The following POTEC variants were observed in gnomAD, a reference collection of about 807,000 sequenced individuals.
The protein encoded by POTEC is ANKRD26-like family B member 2.
Under a neutral mutation model 62.0 loss-of-function variants are expected in POTEC, and 35 were observed. That is an observed-to-expected ratio of 0.56 (90% confidence interval 0.43 to 0.75). The LOEUF (loss-of-function observed/expected upper bound fraction) is 0.75, where lower values mean the gene tolerates loss of function less well. POTEC is among the 30% of genes least tolerant of loss of function. The pLI, the probability that POTEC is intolerant of heterozygous loss-of-function variation, is 0.00. For missense variants in POTEC, 472 were observed against 655.9 expected (o/e 0.72, Z 3.06); for synonymous variants, 156 against 221.5 (o/e 0.70, Z 2.62).
intron 5 of POTEC, among the ~76,000 whole-genome samples, chr18:14,531,442 G>A (rs1034789475): frequency 4.2e-4 from 64 of 152,056 alleles, no homozygotes; most frequent in African/African-American, 1.3e-3. Context: ...ATTTTTTTCC[G>A]TTTTCATGAA....
chr18:14,541,726 A>G (rs1288856804), intron 1 of POTEC, among the ~76,000 whole-genome samples: 1 of 151,830 alleles, frequency 6.6e-6, no homozygotes, highest in African/African-American at 2.4e-5. Context: ...AAAATTTTTA[A>G]TCTATACTCC....
rs1043602699 is a variant in POTEC, at chr18:14,513,792, G to A, written c.1410-7C>T. 6.2e-7 allele frequency: 1 copy of A among 1,606,076 alleles called. No individual in the cohort carries two copies. The highest frequency in any genetic ancestry group is 1.3e-5 in the African/African-American group (1 of 74,254). On this transcript the variant is annotated splice_polypyrimidine_tract_variant and splice_region_variant and intron_variant, in intron 9 of 10. Transcript: ENST00000358970. ...GGTATCATTTTGTTCGTCACTAGAA[G>A]AAATTTTAATTTTCATGAAATACTG... is the stretch of plus-strand genomic sequence containing the variant.
chr18:14,521,037 G>C (rs1209339441), intron 9 of POTEC, among the ~76,000 whole-genome samples: 1 of 152,052 alleles, frequency 6.6e-6, no homozygotes, highest in African/African-American at 2.4e-5. Flanking sequence ...TGCAGAAAAA[G>C]CTGGCCAGCT....
intron 8 of POTEC, 133 bp downstream of exon 8, chr18:14,523,330 A>G: frequency 1.7e-6 from 2 of 1,185,786 alleles, no homozygotes; most frequent in African/African-American, 3.2e-5. Context: ...TTCTGAGTCA[A>G]ATATTAAATT....
Position 14,543,135 on chromosome 18 carries a change from C to A in POTEC, c.12G>T (p.Glu4Asp). Residue 4 changes from glutamate (E) to aspartate (D), a missense_variant, in exon 1 of 11, where the codon GAG becomes GAT. This residue lies in a region of POTEC where 257 missense variants were observed against 250.7 expected (regional missense o/e 1.03). Coordinates refer to ENST00000358970, the MANE Select transcript of POTEC (RefSeq NM_001137671.2). MVT[E>D]VCSMPAASAV... ...CAGAGGCAGCGGGCATTGAACAAAC[C>A]TCAGTCACCATCTGCTTTTAACAGC... The A allele has an allele frequency of 6.2e-7, 1 of 1,613,882 alleles. No homozygotes were observed. The highest frequency in any genetic ancestry group is 1.1e-5 in the South Asian group (1 of 91,068).
intron 6 of POTEC, among the ~76,000 whole-genome samples, chr18:14,529,418 AC>A (rs1196091069): frequency 6.6e-6 from 1 of 152,190 alleles, no homozygotes; most frequent in Non-Finnish European, 1.5e-5. Context: ...TACTATGAGC[AC>A]CTTAAGGATC....
chr18:14,510,096 G>A lies in POTEC; in HGVS notation c.*1802C>T, dbSNP rs1371990860. ...TGTCTCCTGGGGGCTCCACCCCAGA[G>A]AGGTGTAAGTTAGCAGTTACTTAAT... On this transcript the variant is annotated 3_prime_UTR_variant, in exon 11 of 11. Coordinates refer to ENST00000358970, the MANE Select transcript of POTEC (RefSeq NM_001137671.2). The A allele has an allele frequency of 6.6e-6, 1 of 150,618 alleles. No homozygotes were observed. Among genetic ancestry groups the A allele is most frequent in the African/African-American group, 2.5e-5 (1 of 40,690 alleles). 9.3% of individuals were successfully genotyped at this position (150,618 alleles called of 1,614,324 possible). A position where few individuals can be genotyped will look rare whatever the true frequency, so the allele number is the denominator to read the frequency against.
At chr18:14,513,978 T>C (rs1187730536) in intron 9 of POTEC, among the ~76,000 whole-genome samples, 193 bp from the exon 10 acceptor site, 1 of 152,082 alleles carries the variant, frequency 6.6e-6, no homozygotes. Context: ...TTGTGGAAGA[T>C]AATTTTTCCA....
chr18:14,513,621 A>G, intron 10 of POTEC, 41 bp downstream of exon 10: 1 of 1,597,084 alleles, frequency 6.3e-7, no homozygotes, highest in Non-Finnish European at 8.5e-7. Flanking sequence ...TTAAAAATAT[A>G]TACACATATG....
Position 14,509,166 on chromosome 18 carries a change from TG to T in POTEC, c.*2731del, listed in dbSNP as rs1425814654. The stretch of plus-strand genomic sequence containing the variant: ...GCAGATGCAAAAGTCCCTGCCTCCC[TG>T]TGGGCATTCACCCAGTGGTGGAGGC... On this transcript the variant is annotated 3_prime_UTR_variant, in exon 11 of 11. Transcript: ENST00000358970. 1 of 152,316 alleles carries T rather than the reference TG, an allele frequency of 6.6e-6. No homozygotes were observed. The highest frequency in any genetic ancestry group is 6.5e-5 in the Admixed American group (1 of 15,290). 9.4% of individuals were successfully genotyped at this position (152,316 alleles called of 1,614,324 possible).
At chr18:14,517,190 T>G in intron 9 of POTEC, among the ~76,000 whole-genome samples, 1 of 151,942 alleles carries the variant, frequency 6.6e-6, no homozygotes, top group Non-Finnish European at 1.5e-5. Context: ...ATAAAATAGT[T>G]TCATTTTGAA....
At chr18:14,521,105 T>C (rs1845338668) in intron 9 of POTEC, among the ~76,000 whole-genome samples, 1 of 152,192 alleles carries the variant, frequency 6.6e-6, no homozygotes, top group Admixed American at 6.6e-5. Flanking sequence ...TCACCCAATA[T>C]ACTCAAATGT....
intron 3 of POTEC, among the ~76,000 whole-genome samples, chr18:14,535,234 T>A (rs896886153): frequency 6.8e-6 from 1 of 147,450 alleles, no homozygotes; most frequent in Non-Finnish European, 1.5e-5. Context: ...TAACATTTAC[T>A]GTTTCCAAGA....
chr18:14,516,916 G>A (rs1197003445), intron 9 of POTEC, among the ~76,000 whole-genome samples: 1 of 150,934 alleles, frequency 6.6e-6, no homozygotes, highest in Non-Finnish European at 1.5e-5. Context: ...AACAAGAAAA[G>A]GAATTTAAAA....
In POTEC at chr18:14,542,917, G is replaced by A. The variant is rs878887288; in HGVS notation, c.230C>T (p.Thr77Met). The change falls in exon 1 of 11, where the codon ACG becomes ATG. Residue 77 changes from threonine to methionine, a missense_variant. Physicochemically the swap from Thr to Met is moderately conservative, Grantham distance 81. This residue lies in a region of POTEC where 257 missense variants were observed against 250.7 expected (regional missense o/e 1.03). Transcript: ENST00000358970. ...HCFPCCRGSG[T>M]SNVGTSGDHD... is the part of the protein sequence containing the mutation. ...GTCTCCAGAAGTGCCCACGTTGCTC[G>A]TGCCGCTCCCCCTGCAGCAGGGGAA... The A allele has an allele frequency of 1.6e-6, 2 of 1,271,130 alleles. No individual in the cohort carries two copies. The highest frequency in any genetic ancestry group is 2.2e-6 in the Non-Finnish European group (2 of 926,890). 78.7% of individuals were successfully genotyped at this position (1,271,130 alleles called of 1,614,324 possible).
At position 14,534,864 on chromosome 18, in the gene POTEC, T is replaced by A; in HGVS notation, c.917+37A>T. On this transcript the variant is annotated intron_variant, in intron 4 of 10. Coordinates refer to ENST00000358970, the MANE Select transcript of POTEC (RefSeq NM_001137671.2). ...TTATGACTTGAGTGACTGCTATCAA[T>A]CTAGAACAACACACAGATTAAAAGA... is the stretch of plus-strand genomic sequence containing the variant. 2.0e-6 allele frequency: 3 copies of A among 1,522,934 alleles called. No individual in the cohort carries two copies. The South Asian group carries it at 3.9e-5, about 20-fold the overall frequency. 94.3% of individuals were successfully genotyped at this position (1,522,934 alleles called of 1,614,324 possible).
At chr18:14,514,321 T>C (rs1330182472) in intron 9 of POTEC, among the ~76,000 whole-genome samples, 1 of 151,584 alleles carries the variant, frequency 6.6e-6, no homozygotes, top group African/African-American at 2.4e-5. Flanking sequence ...GAAGGTAATG[T>C]GAGTGACAGA....
intron 3 of POTEC, among the ~76,000 whole-genome samples, chr18:14,536,159 A>C (rs980972923): frequency 1.7e-4 from 26 of 151,314 alleles, no homozygotes; most frequent in Admixed American, 3.3e-4. Flanking sequence ...AGGGATGTCA[A>C]GGCTGTGGTG....
chr18:14,537,021 T>C lies in POTEC; in HGVS notation c.810+780A>G, dbSNP rs910761454. On this transcript the variant is annotated intron_variant, in intron 3 of 10. Transcript: ENST00000358970. Reference sequence around the variant, plus strand: ...TCCCACTACATTACCACATATTCACTGCCAATCTGGTTCCTCAGAGGCCTC... The same window carrying C: ...TCCCACTACATTACCACATATTCACCGCCAATCTGGTTCCTCAGAGGCCTC... Among the ~76,000 whole-genome samples, 30 of 151,764 alleles carry C rather than the reference T, an allele frequency of 2.0e-4. 1 individual carries two copies. The highest frequency in any genetic ancestry group is 1.8e-3 in the Admixed American group (28 of 15,208).
Sources: allele counts gnomAD v4.1 joint callset (sites outside exome capture counted in the v4.1 genomes callset), GRCh38; gene constraint gnomAD v4.1.1; regional missense constraint gnomAD v4.1.1; transcripts MANE v1.5; gene names NCBI Gene and HGNC (gene_info 2026-07-23, HGNC 2026-07-21).